LRP2: variants seen among roughly 807,000 people sequenced by gnomAD.
The protein encoded by LRP2 is LDL receptor related protein 2.
In LRP2, 172 loss-of-function variants were observed where a neutral mutation model predicts 531.0. The ratio of observed to expected loss-of-function variants is 0.32; its 90% CI spans 0.29 to 0.37. The LOEUF (loss-of-function observed/expected upper bound fraction) is 0.37, where lower values mean the gene tolerates loss of function less well. Ranked by LOEUF, LRP2 falls within the 10% of genes least tolerant of loss-of-function variation. The probability of loss-of-function intolerance (pLI) is 1.00; values close to 1 mark genes in which losing one functional copy is unlikely to be tolerated. For missense variants in LRP2, 5,167 were observed against 5,868.3 expected (o/e 0.88, Z 3.90); for synonymous variants, 1,992 against 2,027.6 (o/e 0.98, Z 0.47).
At chr2:169,263,083 C>T (rs1276426379) in intron 16 of LRP2, among the ~76,000 whole-genome samples, 1 of 152,150 alleles carries the variant, frequency 6.6e-6, no homozygotes, top group African/African-American at 2.4e-5. Context: ...ACACCTTATA[C>T]AAATATCAAT....
rs1559022250 is a variant in LRP2, at chr2:169,216,357, T to C, written c.5722A>G (p.Thr1908Ala). ...CCAGTAAAGAGAGTTTTCACAGATG[T>C]GCCATCCATGTTAGCACTGGCGATC... ...AKIASANMDG[T>A]SVKTLFTGNL... The change falls in exon 35 of 79, where the codon ACA becomes GCA. Residue 1908 changes from threonine to alanine, a missense_variant. Coordinates refer to ENST00000649046, the MANE Select transcript of LRP2 (RefSeq NM_004525.3). 2 of 1,613,592 alleles carry C rather than the reference T, an allele frequency of 1.2e-6. No individual in the cohort carries two copies. Among genetic ancestry groups the C allele is most frequent in the Non-Finnish European group, 1.7e-6 (2 of 1,179,724 alleles).
intron 77 of LRP2, among the ~76,000 whole-genome samples, chr2:169,131,009 A>G (rs1362368064): frequency 6.6e-6 from 1 of 152,162 alleles, no homozygotes. Context: ...AGTGAAGAAG[A>G]TCACTAGACT....
chr2:169,166,825 T>G (rs1686804587), intron 61 of LRP2, among the ~76,000 whole-genome samples: 1 of 152,172 alleles, frequency 6.6e-6, no homozygotes, highest in Non-Finnish European at 1.5e-5. Context: ...ACAAATGCAG[T>G]GAACTCAACA....
At chr2:169,210,876 A>T (rs1688568029) in intron 37 of LRP2, among the ~76,000 whole-genome samples, 1 of 152,232 alleles carries the variant, frequency 6.6e-6, no homozygotes, top group Non-Finnish European at 1.5e-5. Context: ...AATGAATGTG[A>T]ATGCATATGC....
rs968646493 is a variant in LRP2 at position 169,137,433 on chromosome 2, A to G, written c.13579T>C (p.Ser4527Pro). The G allele has an allele frequency of 6.2e-7, 1 of 1,613,996 alleles. No homozygotes were observed. The highest frequency in any genetic ancestry group is 1.3e-5 in the African/African-American group (1 of 74,924). The change falls in exon 76 of 79, where the codon TCA becomes CCA. Residue 4527 changes from serine (S) to proline (P), a missense_variant. Around this residue, in one of 6 missense-constraint regions of LRP2, gnomAD observed 348 missense variants for 369.3 expected, o/e 0.94. Coordinates refer to ENST00000649046, the MANE Select transcript of LRP2 (RefSeq NM_004525.3). The part of the protein sequence containing the change: ...QPIIFENPMY[S>P]ARDSAVKVVQ... Reference sequence around the variant, plus strand: ...ACTTTGACAGCACTGTCTCTGGCTGAGTACATTGGGTTTTCAAATATTATG... The same window carrying G: ...ACTTTGACAGCACTGTCTCTGGCTGGGTACATTGGGTTTTCAAATATTATG...
intron 29 of LRP2, 21 bp downstream of exon 29, chr2:169,235,819 T>C: frequency 6.3e-7 from 1 of 1,593,286 alleles, no homozygotes; most frequent in South Asian, 1.1e-5. Flanking sequence ...TTTAATTTGG[T>C]TTTCCTCACC....
Position 169,213,479 on chromosome 2 carries a change from C to A in LRP2, c.6040+178G>T, listed in dbSNP as rs76592461. On this transcript the variant is annotated intron_variant, in intron 36 of 78. Coordinates refer to ENST00000649046, the MANE Select transcript of LRP2 (RefSeq NM_004525.3). The stretch of plus-strand genomic sequence containing the variant: ...TCTGGCCTTTCAGATGCCAAATTAG[C>A]CCTTGGCACTTAACCATGTTTAAGA... Among the ~76,000 whole-genome samples, 1,953 of 152,266 alleles carry A rather than the reference C, an allele frequency of 0.013. 36 individuals carry two copies. The highest frequency in any genetic ancestry group is 0.045 in the African/African-American group (1,859 of 41,552).
chr2:169,347,866 A>T (rs1685736706), intron 1 of LRP2, among the ~76,000 whole-genome samples: 1 of 152,226 alleles, frequency 6.6e-6, no homozygotes, highest in African/African-American at 2.4e-5. Flanking sequence ...TAGCAAAAAA[A>T]TGTCCAAAAG....
chr2:169,235,067 T>C (rs1426835765), intron 29 of LRP2, among the ~76,000 whole-genome samples: 2 of 151,718 alleles, frequency 1.3e-5, no homozygotes, highest in African/African-American at 4.8e-5. Context: ...AACACCCCCA[T>C]GCCCAGCTAA....
chr2:169,242,828 A>G (rs1689856982), intron 24 of LRP2, 128 bp downstream of exon 24: 2 of 785,818 alleles, frequency 2.5e-6, no homozygotes, highest in South Asian at 2.8e-5. Context: ...GTTCAATACC[A>G]CATTCCTTTG....
In LRP2 at chr2:169,157,517, C is replaced by T. The variant is rs1414698491; in HGVS notation, c.11888-15G>A. 2 of 1,611,708 alleles carry T rather than the reference C, an allele frequency of 1.2e-6. No homozygotes were observed. The highest frequency in any genetic ancestry group is 2.7e-5 in the African/African-American group (2 of 74,910). ...TTTTCCTTTATCTGAAAAACAAAAT[C>T]CCAGCATTACAAACCAGATCAGCCA... is the stretch of plus-strand genomic sequence containing the variant. On this transcript the variant is annotated splice_polypyrimidine_tract_variant and intron_variant, in intron 63 of 78. Coordinates refer to ENST00000649046, the MANE Select transcript of LRP2 (RefSeq NM_004525.3).
At chr2:169,244,987 G>T (rs1354813591) in intron 21 of LRP2, 55 bp from the exon 22 acceptor site, 3 of 1,607,434 alleles carry the variant, frequency 1.9e-6, no homozygotes, top group Admixed American at 3.3e-5. Context: ...CCTTTTAAAT[G>T]AGTTCTTGCC....
At chr2:169,276,573 T>C (rs1341657159) in intron 13 of LRP2, among the ~76,000 whole-genome samples, 5 of 152,112 alleles carry the variant, frequency 3.3e-5, no homozygotes, top group African/African-American at 4.8e-5. Flanking sequence ...ACCATATTAA[T>C]ACACAATACT....
At chr2:169,349,855 T>C (rs913196054) in intron 1 of LRP2, among the ~76,000 whole-genome samples, 5 of 152,154 alleles carry the variant, frequency 3.3e-5, no homozygotes, top group African/African-American at 1.2e-4. Context: ...TTAATAAATA[T>C]TATATACTCC....
intron 33 of LRP2, among the ~76,000 whole-genome samples, chr2:169,224,626 T>C (rs750602079): frequency 6.6e-5 from 10 of 152,196 alleles, no homozygotes; most frequent in Non-Finnish European, 1.0e-4. Context: ...TGAGGAAACA[T>C]AGTAAAATTC....
At chr2:169,356,922 C>G (rs1686004171) in intron 1 of LRP2, among the ~76,000 whole-genome samples, 1 of 152,116 alleles carries the variant, frequency 6.6e-6, no homozygotes, top group African/African-American at 2.4e-5. Flanking sequence ...ATGTAGACAC[C>G]TCTTTTCAGT....
chr2:169,327,498 C>T (rs1231492871), intron 1 of LRP2, among the ~76,000 whole-genome samples: 2 of 121,512 alleles, frequency 1.6e-5, no homozygotes, highest in Admixed American at 7.7e-5. Flanking sequence ...GGGGGTCAGC[C>T]CCCCGCCCGG....
At position 169,152,798 on chromosome 2, in the gene LRP2, C is replaced by A; in HGVS notation, c.12461+1G>T. 6.2e-7 allele frequency: 1 copy of A among 1,613,932 alleles called. No homozygotes were observed. Among genetic ancestry groups the A allele is most frequent in the Non-Finnish European group, 8.5e-7 (1 of 1,179,868 alleles). On this transcript the variant is annotated splice_donor_variant, in intron 67 of 78. Transcript: ENST00000649046. LOFTEE classifies it high-confidence loss of function. The stretch of plus-strand genomic sequence containing the variant: ...AAGGGGGGAATGTATGGCAAATTTA[C>A]CTTCCAACCCAGTCCACTGCTATTC...
intron 16 of LRP2, among the ~76,000 whole-genome samples, chr2:169,269,574 C>T (rs962854262): frequency 6.6e-6 from 1 of 152,130 alleles, no homozygotes; most frequent in African/African-American, 2.4e-5. Context: ...AAACTGGATC[C>T]CTTCCTTACA....
Sources: gnomAD v4.1 joint callset for allele counts (sites outside exome capture counted in the v4.1 genomes callset) on GRCh38, gnomAD v4.1.1 for gene constraint, gnomAD v4.1.1 regional missense constraint, MANE v1.5 for transcripts, NCBI Gene and HGNC (gene_info 2026-07-23, HGNC 2026-07-21) for gene names.